The following ULK4 variants were observed in gnomAD, a reference collection of about 807,000 sequenced individuals.
The protein encoded by ULK4 is inactive serine/threonine-protein kinase ULK4.
ULK4 carries 133 observed loss-of-function variants against 160.6 expected under a neutral mutation model. The observed-to-expected ratio is 0.83, with a 90% CI of 0.72 to 0.96. The LOEUF is 0.96. Among genes scored for constraint, ULK4 ranks in the 40% least tolerant of loss-of-function variants. The pLI is 0.00. For missense variants in ULK4, 1,580 were observed against 1,499.5 expected (o/e 1.05, Z -0.89); for synonymous variants, 534 against 539.8 (o/e 0.99, Z 0.15).
At chr3:41,335,381 A>T (rs1559530496) in intron 35 of ULK4, among the ~76,000 whole-genome samples, 1 of 152,184 alleles carries the variant, frequency 6.6e-6, no homozygotes, top group Non-Finnish European at 1.5e-5. Flanking sequence ...ATTTTCATTT[A>T]TTTAATAAGT....
intron 27 of ULK4, among the ~76,000 whole-genome samples, chr3:41,683,943 G>C (rs1199108861): frequency 6.6e-6 from 1 of 152,206 alleles, no homozygotes; most frequent in African/African-American, 2.4e-5. Context: ...TTTGTGAAGA[G>C]AGGACTGATA....
At chr3:41,581,761 A>C (rs543708715) in intron 31 of ULK4, among the ~76,000 whole-genome samples, 1 of 152,182 alleles carries the variant, frequency 6.6e-6, no homozygotes, top group Non-Finnish European at 1.5e-5. Flanking sequence ...GCCATGTGCT[A>C]ATCAAGGCAT....
intron 29 of ULK4, among the ~76,000 whole-genome samples, chr3:41,667,471 G>A (rs535167226): frequency 1.3e-5 from 2 of 152,276 alleles, no homozygotes; most frequent in East Asian, 1.9e-4. Context: ...TATTAAGCTC[G>A]TCTTTGAAAG....
chr3:41,341,125 C>T (rs1239310896), intron 35 of ULK4, among the ~76,000 whole-genome samples: 1 of 152,178 alleles, frequency 6.6e-6, no homozygotes, highest in Non-Finnish European at 1.5e-5. Context: ...GGTATTCCAT[C>T]TTGATTAAGA....
chr3:41,918,837 G>A (rs1192503925), intron 6 of ULK4, among the ~76,000 whole-genome samples: 2 of 151,890 alleles, frequency 1.3e-5, no homozygotes, highest in African/African-American at 2.4e-5. Flanking sequence ...TCCTGACCTC[G>A]TGATCCGCCC....
intron 17 of ULK4, among the ~76,000 whole-genome samples, chr3:41,851,270 A>G (rs1453858541): frequency 1.3e-5 from 2 of 151,558 alleles, no homozygotes; most frequent in Non-Finnish European, 2.9e-5. Context: ...TAATTTATTG[A>G]GAGTTTTTAG....
chr3:41,684,779 G>T lies in ULK4; in HGVS notation c.2782-2975C>A, dbSNP rs151321641. Among the ~76,000 whole-genome samples, 742 of 152,298 alleles carry T rather than the reference G, an allele frequency of 4.9e-3. 3 individuals are homozygous for T. The highest frequency in any genetic ancestry group is 0.017 in the African/African-American group (712 of 41,568). ...GAAAAATTACCATCTGAGCCTTAAA[G>T]GGCTTTTGGATTGAGTAGCTATTGA... On this transcript the variant is annotated intron_variant, in intron 27 of 36. Transcript: ENST00000301831.
intron 19 of ULK4, among the ~76,000 whole-genome samples, chr3:41,804,394 AT>A (rs1428501691): frequency 6.6e-6 from 1 of 151,878 alleles, no homozygotes; most frequent in East Asian, 1.9e-4. Context: ...CCTTTGTCGG[AT>A]GAGTAGGTTG....
At chr3:41,771,849 T>C (rs1290720760) in intron 21 of ULK4, among the ~76,000 whole-genome samples, 3 of 152,218 alleles carry the variant, frequency 2.0e-5, no homozygotes, top group Admixed American at 2.0e-4. Context: ...ATAGAGTGAT[T>C]TTTTAAAATC....
At chr3:41,394,801 A>G (rs1397913947) in intron 35 of ULK4, among the ~76,000 whole-genome samples, 2 of 152,076 alleles carry the variant, frequency 1.3e-5, no homozygotes, top group South Asian at 2.1e-4. Context: ...TATGTTTTAT[A>G]TGACTTGGCC....
chr3:41,675,810 C>T (rs934774116), intron 29 of ULK4, among the ~76,000 whole-genome samples: 2 of 152,138 alleles, frequency 1.3e-5, no homozygotes, highest in African/African-American at 4.8e-5. Context: ...ATGGATTCTC[C>T]CTCAGGGCAC....
At chr3:41,912,734 T>G in intron 9 of ULK4, 73 bp downstream of exon 9, 1 of 1,271,852 alleles carries the variant, frequency 7.9e-7, no homozygotes, top group South Asian at 1.4e-5. Context: ...TCATTGATGT[T>G]GTATATTTAG....
chr3:41,803,998 C>A (rs1013256501), intron 19 of ULK4, among the ~76,000 whole-genome samples: 2 of 152,104 alleles, frequency 1.3e-5, no homozygotes, highest in African/African-American at 4.8e-5. Flanking sequence ...TGGGTATATA[C>A]CCAGTAATGG....
chr3:41,456,468 A>G (rs542058036), intron 33 of ULK4, among the ~76,000 whole-genome samples: 50 of 152,348 alleles, frequency 3.3e-4, no homozygotes, highest in Non-Finnish European at 4.7e-4. Flanking sequence ...TTTGTCCAAC[A>G]TATCATTGCA....
At chr3:41,323,429 CACACACACA>C (rs2080283978) in intron 35 of ULK4, among the ~76,000 whole-genome samples, 3 of 150,752 alleles carry the variant, frequency 2.0e-5, no homozygotes, top group African/African-American at 7.4e-5. Context: ...CACACACACA[CACACACACA>C]CCAAAAACCA....
chr3:41,640,896 T>A (rs991229884), intron 30 of ULK4, among the ~76,000 whole-genome samples: 1 of 152,182 alleles, frequency 6.6e-6, no homozygotes, highest in Non-Finnish European at 1.5e-5. Flanking sequence ...CAAGAACACT[T>A]TGTCCCTGGA....
At chr3:41,383,026 A>T (rs1385373211) in intron 35 of ULK4, among the ~76,000 whole-genome samples, 5 of 152,104 alleles carry the variant, frequency 3.3e-5, no homozygotes, top group Admixed American at 1.3e-4. Flanking sequence ...GGCTTTCATA[A>T]GAGAAGGCCC....
chr3:41,574,541 T>A (rs1346417759), intron 31 of ULK4, among the ~76,000 whole-genome samples: 1 of 70,912 alleles, frequency 1.4e-5, no homozygotes, highest in African/African-American at 7.4e-5. Context: ...CTTTTTTTTT[T>A]TTTTTTTTTT....
intron 17 of ULK4, among the ~76,000 whole-genome samples, chr3:41,852,361 TAAGTC>T (rs1411764252): frequency 3.3e-5 from 5 of 152,188 alleles, no homozygotes; most frequent in Admixed American, 2.6e-4. Flanking sequence ...CCATGCAGAC[TAAGTC>T]AAGAAATTAG....
Sources: allele counts gnomAD v4.1 joint callset (sites outside exome capture counted in the v4.1 genomes callset), GRCh38; gene constraint gnomAD v4.1.1; transcripts MANE v1.5; gene names NCBI Gene and HGNC (gene_info 2026-07-23, HGNC 2026-07-21).